AGAP1: variants seen among roughly 807,000 people sequenced by gnomAD.
The protein encoded by AGAP1 is arf-GAP with GTPase, ANK repeat and PH domain-containing protein 1.
Under a neutral mutation model 105.3 loss-of-function variants are expected in AGAP1, and 29 were observed. The observed-to-expected ratio is 0.28, with a 90% CI of 0.21 to 0.38. AGAP1 has a LOEUF of 0.38. Among genes scored for constraint, AGAP1 ranks in the 10% least tolerant of loss-of-function variants. AGAP1 has a pLI of 1.00. For synonymous variants in AGAP1, 509 were observed against 485.9 expected, an observed-to-expected ratio of 1.05 and a Z score of -0.63; for missense variants, 998 against 1,165.1, an observed-to-expected ratio of 0.86 and a Z score of 2.09.
chr2:235,656,349 T>C lies in AGAP1; in HGVS notation c.164-52830T>C, dbSNP rs575292593. Among the ~76,000 whole-genome samples the C allele has an allele frequency of 2.0e-5, 3 of 152,352 alleles. 1 individual carries two copies. The highest frequency in any genetic ancestry group is 6.8e-3 in the Middle Eastern group (2 of 294). Reference sequence around the variant, plus strand: ...TTTACATGAAGCTAATTGTTAGATATGAGTTCTAAATTTCTTTTCAAAGAA... The same window carrying C: ...TTTACATGAAGCTAATTGTTAGATACGAGTTCTAAATTTCTTTTCAAAGAA... On this transcript the variant is annotated intron_variant, in intron 1 of 17. Coordinates refer to ENST00000304032, the MANE Select transcript of AGAP1 (RefSeq NM_001037131.3).
chr2:235,697,144 AG>A (rs1355851633), intron 1 of AGAP1, among the ~76,000 whole-genome samples: 1 of 152,156 alleles, frequency 6.6e-6, no homozygotes, highest in Non-Finnish European at 1.5e-5. Context: ...CTGCGTGGAA[AG>A]GGTGTTCTTA....
intron 6 of AGAP1, among the ~76,000 whole-genome samples, chr2:235,772,047 A>G (rs115957313): frequency 0.25 from 36,626 of 146,790 alleles, 4,936 homozygotes; most frequent in Admixed American, 0.39. Context: ...CCAGGCTGGA[A>G]CGCAGTGGTG....
Position 235,553,416 on chromosome 2 carries a change from C to A in AGAP1, c.163+58567C>A, listed in dbSNP as rs185026754. Among the ~76,000 whole-genome samples, 217 of 152,048 alleles carry A rather than the reference C, an allele frequency of 1.4e-3. 7 individuals are homozygous for A. The highest frequency in any genetic ancestry group is 0.014 in the Admixed American group (215 of 15,272). ...TTGTTTACATACTTCTCCTTTAATC[C>A]CACAGCTAGTTTTAAAAACTACATG... On this transcript the variant is annotated intron_variant, in intron 1 of 17. Transcript: ENST00000304032. The surrounding 1 kb of genome is among the most constrained non-coding windows in gnomAD (Gnocchi z 4.5).
chr2:235,567,998 TGCCAG>T (rs1232408159), intron 1 of AGAP1, among the ~76,000 whole-genome samples: 1 of 152,098 alleles, frequency 6.6e-6, no homozygotes, highest in African/African-American at 2.4e-5. Context: ...ATGTAAGAAA[TGCCAG>T]GTATATGCCC....
At chr2:235,661,756 G>T (rs370414616) in intron 1 of AGAP1, among the ~76,000 whole-genome samples, 1 of 152,192 alleles carries the variant, frequency 6.6e-6, no homozygotes, top group Admixed American at 6.5e-5. Flanking sequence ...GTACAGATCC[G>T]CCTTTGGGGC....
At chr2:235,598,873 A>G (rs2149229719) in intron 1 of AGAP1, among the ~76,000 whole-genome samples, 1 of 152,302 alleles carries the variant, frequency 6.6e-6, no homozygotes, top group Admixed American at 6.5e-5. Flanking sequence ...ATGAAAACCC[A>G]TTTAAAAAGC....
rs984557974 is a variant in AGAP1 at position 235,769,053 on chromosome 2, A to T, written c.673+18565A>T. On this transcript the variant is annotated intron_variant, in intron 6 of 17. Coordinates refer to ENST00000304032, the MANE Select transcript of AGAP1 (RefSeq NM_001037131.3). This position sits in a 1 kb window ranked among gnomAD's most constrained non-coding sequence, Gnocchi z 4.4. Reference sequence around the variant, plus strand: ...CGAGTAATTCACCATAAATGAGTGAAAATTATTCAACTGGATTAGAAATTG... The same window carrying T: ...CGAGTAATTCACCATAAATGAGTGATAATTATTCAACTGGATTAGAAATTG... Among the ~76,000 whole-genome samples the T allele has an allele frequency of 3.9e-5, 6 of 152,238 alleles. No individual in the cohort carries two copies. The highest frequency in any genetic ancestry group is 1.2e-4 in the African/African-American group (5 of 41,460).
chr2:235,614,012 T>C lies in AGAP1; in HGVS notation c.164-95167T>C, dbSNP rs1946226374. ...GAATTCAGAATCTTTGGTATGGTTT[T>C]TTTTTTTTCCCCCTTTTGTGTGTTT... On this transcript the variant is annotated intron_variant, in intron 1 of 17. Transcript: ENST00000304032. This position sits in a 1 kb window ranked among gnomAD's most constrained non-coding sequence, Gnocchi z 4.7. Among the ~76,000 whole-genome samples the C allele has an allele frequency of 6.6e-6, 1 of 152,088 alleles. No individual in the cohort carries two copies. The highest frequency in any genetic ancestry group is 6.5e-5 in the Admixed American group (1 of 15,270).
chr2:235,534,638 A>C (rs1943151414), intron 1 of AGAP1, among the ~76,000 whole-genome samples: 1 of 152,192 alleles, frequency 6.6e-6, no homozygotes, highest in South Asian at 2.1e-4. Flanking sequence ...TATATTACTC[A>C]GTCTGATCAT....
chr2:235,809,247 A>G (rs1367426354), intron 9 of AGAP1, among the ~76,000 whole-genome samples: 2 of 152,046 alleles, frequency 1.3e-5, no homozygotes, highest in African/African-American at 2.4e-5. Flanking sequence ...GCTTTTCAAT[A>G]TGTGTGCAGA....
chr2:235,609,238 C>T lies in AGAP1; in HGVS notation c.164-99941C>T, dbSNP rs141671904. On this transcript the variant is annotated intron_variant, in intron 1 of 17. Coordinates refer to ENST00000304032, the MANE Select transcript of AGAP1 (RefSeq NM_001037131.3). This position sits in a 1 kb window ranked among gnomAD's most constrained non-coding sequence, Gnocchi z 5.1. The stretch of plus-strand genomic sequence containing the variant: ...CTTGATCACTGATGATGACCGTAAA[C>T]AAGCTGTGGGAACATAAGGAAAAGC... Among the ~76,000 whole-genome samples, 235 of 152,216 alleles carry T rather than the reference C, an allele frequency of 1.5e-3. 1 individual carries two copies. The highest frequency in any genetic ancestry group is 5.2e-3 in the African/African-American group (217 of 41,550).
intron 9 of AGAP1, among the ~76,000 whole-genome samples, chr2:235,851,178 G>A (rs1359506734): frequency 6.6e-6 from 1 of 152,236 alleles, no homozygotes; most frequent in African/African-American, 2.4e-5. Flanking sequence ...TCACAGCCTG[G>A]CCTAGAGTGC....
intron 1 of AGAP1, among the ~76,000 whole-genome samples, chr2:235,617,222 T>C (rs1360788018): frequency 3.9e-5 from 6 of 152,218 alleles, no homozygotes; most frequent in Non-Finnish European, 8.8e-5. Flanking sequence ...ATAATAACTT[T>C]CAAAAACTAG....
At position 235,663,516 on chromosome 2, in the gene AGAP1, G is replaced by T. The variant is rs147020815; in HGVS notation, c.164-45663G>T. ...AATCCCAAATGGGATGCAGAAGGGAGAACTGTGTAAAATCACGCTCTTCCA... is the reference window on the plus strand; with the variant it reads ...AATCCCAAATGGGATGCAGAAGGGATAACTGTGTAAAATCACGCTCTTCCA... On this transcript the variant is annotated intron_variant, in intron 1 of 17. Transcript: ENST00000304032. The surrounding 1 kb of genome is among the most constrained non-coding windows in gnomAD (Gnocchi z 5.4). Among the ~76,000 whole-genome samples, 7 of 152,284 alleles carry T rather than the reference G, an allele frequency of 4.6e-5. No homozygotes were observed. The highest frequency in any genetic ancestry group is 4.6e-4 in the Admixed American group (7 of 15,306).
intron 13 of AGAP1, among the ~76,000 whole-genome samples, chr2:235,997,987 C>T (rs2055891620): frequency 1.3e-5 from 2 of 152,180 alleles, no homozygotes; most frequent in African/African-American, 4.8e-5. Flanking sequence ...TGCTGTTTTA[C>T]TCTGAAAGTG....
chr2:235,494,611 C>A lies in AGAP1; in HGVS notation c.-76C>A. The A allele has an allele frequency of 1.2e-6, 1 of 802,118 alleles. No individual in the cohort carries two copies. The highest frequency in any genetic ancestry group is 1.5e-6 in the Non-Finnish European group (1 of 669,066). 49.7% of individuals were successfully genotyped at this position (802,118 alleles called of 1,614,324 possible). ...TCCCCGGGGGCTGCGGCGCCCCGGG[C>A]TCGGCGGCCCGCGGGCCCCGGGGCG... is the stretch of plus-strand genomic sequence containing the variant. On this transcript the variant is annotated 5_prime_UTR_variant, in exon 1 of 18. Coordinates refer to ENST00000304032, the MANE Select transcript of AGAP1 (RefSeq NM_001037131.3).
chr2:235,634,302 G>A (rs1056211988), intron 1 of AGAP1, among the ~76,000 whole-genome samples: 4 of 152,252 alleles, frequency 2.6e-5, no homozygotes, highest in East Asian at 1.9e-4. Flanking sequence ...GTATTTCATC[G>A]ACACATCCTT....
chr2:235,883,048 T>C lies in AGAP1; in HGVS notation c.1051-297T>C, dbSNP rs1165782719. 6.6e-6 allele frequency among the ~76,000 whole-genome samples: 1 copy of C among 151,758 alleles called. No individual in the cohort carries two copies. Among genetic ancestry groups the C allele is most frequent in the Non-Finnish European group, 1.5e-5 (1 of 67,952 alleles). ...TCTTACCCAGGCTGGTCTCGAACTC[T>C]TGGGCTCAAACGATCCTTACACCGT... On this transcript the variant is annotated intron_variant, in intron 9 of 17. Transcript: ENST00000304032. This position sits in a 1 kb window ranked among gnomAD's most constrained non-coding sequence, Gnocchi z 4.5.
Position 236,123,658 on chromosome 2 carries a change from G to C in AGAP1, c.2371-261G>C, listed in dbSNP as rs1190737892. Among the ~76,000 whole-genome samples the C allele has an allele frequency of 6.6e-6, 1 of 151,984 alleles. No individual in the cohort carries two copies. Among genetic ancestry groups the C allele is most frequent in the East Asian group, 1.9e-4 (1 of 5,182 alleles). On this transcript the variant is annotated intron_variant, in intron 17 of 17. Coordinates refer to ENST00000304032, the MANE Select transcript of AGAP1 (RefSeq NM_001037131.3). This position sits in a 1 kb window ranked among gnomAD's most constrained non-coding sequence, Gnocchi z 4.6. ...TCAAAATAGAAACAGCAAAACTAAA[G>C]TTATCTTTGATTCCTTAATGTTGCA...
Sources: gnomAD v4.1 joint callset for allele counts (sites outside exome capture counted in the v4.1 genomes callset) on GRCh38, gnomAD v4.1.1 for gene constraint, Gnocchi (gnomAD v3.1) non-coding constraint, MANE v1.5 for transcripts, NCBI Gene and HGNC (gene_info 2026-07-23, HGNC 2026-07-21) for gene names.